SEZ6: variants seen among roughly 807,000 people sequenced by gnomAD.
SEZ6 encodes the protein seizure protein 6 homolog.
A neutral mutation model predicts 101.0 loss-of-function variants in SEZ6; 53 were observed. That is an observed-to-expected ratio of 0.52 (90% CI 0.42 to 0.66). SEZ6 has a LOEUF of 0.66. Ranked by LOEUF, SEZ6 falls within the 30% of genes least tolerant of loss-of-function variation. The pLI, the probability that SEZ6 is intolerant of heterozygous loss-of-function variation, is 0.00. For missense variants in SEZ6, 1,102 were observed against 1,289.4 expected (o/e 0.85, Z 2.23); for synonymous variants, 488 against 512.2 (o/e 0.95, Z 0.64).
intron 4 of SEZ6, among the ~76,000 whole-genome samples, chr17:28,968,673 G>T (rs2041106282): frequency 6.6e-6 from 1 of 152,182 alleles, no homozygotes; most frequent in South Asian, 2.1e-4. Context: ...GGTGAGGGTA[G>T]GGTGAGTGCT....
chr17:28,963,128 A>T (rs569038787), intron 5 of SEZ6, among the ~76,000 whole-genome samples: 1 of 63,484 alleles, frequency 1.6e-5, no homozygotes, highest in Non-Finnish European at 2.8e-5. Flanking sequence ...CGTCTCGAAG[A>T]AAAAAAAAAA....
Position 28,955,481 on chromosome 17 carries a change from C to T in SEZ6, c.*481G>A. 2.6e-6 allele frequency: 1 copy of T among 388,526 alleles called. No individual in the cohort carries two copies. Among genetic ancestry groups the T allele is most frequent in the South Asian group, 1.9e-5 (1 of 53,404 alleles). 24.1% of individuals were successfully genotyped at this position (388,526 alleles called of 1,614,324 possible). ...GCTGATGTTGGCATGCCAGGACTAC[C>T]CAGAGGTCACCGTTGAGAGGAGTTT... On this transcript the variant is annotated 3_prime_UTR_variant, in exon 17 of 17. Coordinates refer to ENST00000317338, the MANE Select transcript of SEZ6 (RefSeq NM_178860.5).
intron 1 of SEZ6, among the ~76,000 whole-genome samples, chr17:29,002,368 C>T (rs1175654475): frequency 6.6e-6 from 1 of 152,152 alleles, no homozygotes; most frequent in Non-Finnish European, 1.5e-5. Context: ...TAATTAAGCC[C>T]AGCCCTTGTG....
intron 1 of SEZ6, among the ~76,000 whole-genome samples, chr17:28,996,891 A>G (rs1244114450): frequency 6.6e-6 from 1 of 152,134 alleles, no homozygotes; most frequent in African/African-American, 2.4e-5. Flanking sequence ...TTGAGTTGAC[A>G]GGGCTAAGCC....
chr17:28,962,577 G>A (rs555812116), intron 5 of SEZ6, among the ~76,000 whole-genome samples: 2 of 151,940 alleles, frequency 1.3e-5, no homozygotes, highest in Admixed American at 6.5e-5. Flanking sequence ...TCAAGAGTTC[G>A]AGATCAGACT....
chr17:28,961,520 AAG>A (rs1461999707), intron 5 of SEZ6, among the ~76,000 whole-genome samples: 1 of 152,048 alleles, frequency 6.6e-6, no homozygotes, highest in Non-Finnish European at 1.5e-5. Context: ...TGAATGTAAA[AAG>A]GGGTTAGCAC....
chr17:28,996,334 G>A (rs1161934842), intron 1 of SEZ6, among the ~76,000 whole-genome samples: 1 of 152,064 alleles, frequency 6.6e-6, no homozygotes, highest in Non-Finnish European at 1.5e-5. Flanking sequence ...CCTGCCCCAG[G>A]GTGTGGGCCC....
At chr17:28,991,754 C>T (rs928766081) in intron 1 of SEZ6, among the ~76,000 whole-genome samples, 11 of 152,212 alleles carry the variant, frequency 7.2e-5, no homozygotes, top group Middle Eastern at 3.4e-3. Context: ...AGAAAGGCCT[C>T]GGGGAACTGG....
rs374539549 is a variant in SEZ6 at position 28,957,426 on chromosome 17, T to C, written c.2416A>G (p.Met806Val). 6.2e-7 allele frequency: 1 copy of C among 1,613,730 alleles called. No individual in the cohort carries two copies. Among genetic ancestry groups the C allele is most frequent in the Non-Finnish European group, 8.5e-7 (1 of 1,179,722 alleles). The change falls in exon 12 of 17, where the codon ATG becomes GTG. Residue 806 changes from methionine to valine, a missense_variant. Coordinates refer to ENST00000317338, the MANE Select transcript of SEZ6 (RefSeq NM_178860.5). ...QYICDQGFVL[M>V]GSSILTCHDR... is the part of the protein sequence containing the mutation. ...TGGCAGGTGAGGATGGAGCTGCCCA[T>C]CAGCACAAAACCCTGGTCACAGATA... is the stretch of plus-strand genomic sequence containing the variant.
At chr17:29,002,885 C>T (rs1416792457) in intron 1 of SEZ6, among the ~76,000 whole-genome samples, 3 of 152,210 alleles carry the variant, frequency 2.0e-5, no homozygotes, top group Non-Finnish European at 4.4e-5. Context: ...CTCCTCCAGA[C>T]CTTCCCTTCC....
At position 28,980,510 on chromosome 17, in the gene SEZ6, C is replaced by T. The variant is rs184500710; in HGVS notation, c.725-697G>A. 2.3e-3 allele frequency among the ~76,000 whole-genome samples: 354 copies of T among 152,018 alleles called. 1 individual carries two copies. The highest frequency in any genetic ancestry group is 3.7e-3 in the Admixed American group (56 of 15,262). On this transcript the variant is annotated intron_variant, in intron 2 of 16. Coordinates refer to ENST00000317338, the MANE Select transcript of SEZ6 (RefSeq NM_178860.5). The stretch of plus-strand genomic sequence containing the variant: ...TCAGCCTCCTGAGTAGCTGGGACTA[C>T]GGGCACCCCCCACTACGCCCGGCTA...
intron 1 of SEZ6, among the ~76,000 whole-genome samples, chr17:28,994,274 T>TC (rs1263038293): frequency 2.6e-5 from 2 of 78,262 alleles, no homozygotes; most frequent in African/African-American, 8.0e-5. Context: ...GTTACTGACT[T>TC]TTTTTTTTTT....
rs183850681 is a variant in SEZ6 at position 28,990,090 on chromosome 17, A to C, written c.56-8051T>G. ...TCTGTCCCCTGCCCACACACACACA[A>C]AAAAAAGAATGAAAGACCACCAGGT... On this transcript the variant is annotated intron_variant, in intron 1 of 16. Transcript: ENST00000317338. Among the ~76,000 whole-genome samples, 522 of 152,106 alleles carry C rather than the reference A, an allele frequency of 3.4e-3. 4 individuals carry two copies. Among genetic ancestry groups the C allele is most frequent in the African/African-American group, 0.01 (417 of 41,474 alleles).
chr17:28,969,675 T>A, intron 4 of SEZ6, 82 bp downstream of exon 4: 1 of 1,257,562 alleles, frequency 8.0e-7, no homozygotes, highest in Non-Finnish European at 1.0e-6. Context: ...CCCTCTAGGA[T>A]GTAATTGCAC....
At chr17:28,984,303 T>C (rs2041348279) in intron 1 of SEZ6, among the ~76,000 whole-genome samples, 1 of 152,196 alleles carries the variant, frequency 6.6e-6, no homozygotes, top group Non-Finnish European at 1.5e-5. Flanking sequence ...CCAGGTAAGC[T>C]GAGACTGATT....
intron 1 of SEZ6, among the ~76,000 whole-genome samples, chr17:28,996,102 G>A (rs1034783135): frequency 6.0e-5 from 9 of 151,060 alleles, no homozygotes; most frequent in African/African-American, 2.2e-4. Context: ...CCGGGTTCAC[G>A]CCATTCTCCT....
At chr17:28,978,430 G>A (rs1005510770) in intron 3 of SEZ6, among the ~76,000 whole-genome samples, 8 of 152,222 alleles carry the variant, frequency 5.3e-5, no homozygotes, top group African/African-American at 1.7e-4. Context: ...TGGATGGAAG[G>A]CAGACTGCTA....
chr17:28,977,771 C>T (rs1162754896), intron 3 of SEZ6, among the ~76,000 whole-genome samples: 1 of 152,200 alleles, frequency 6.6e-6, no homozygotes, highest in Non-Finnish European at 1.5e-5. Flanking sequence ...CCTGCCCCCT[C>T]CCACCCCCTT....
rs184259900 is a variant in SEZ6, at chr17:28,963,925, T to C, written c.1240+37A>G. On this transcript the variant is annotated intron_variant, in intron 5 of 16. Transcript: ENST00000317338. ...CAGGGATGAGCCCCCACCTCACTTCTCTGCTCAGCACTGAGCCCTTTCCCC... is the reference window on the plus strand; with the variant it reads ...CAGGGATGAGCCCCCACCTCACTTCCCTGCTCAGCACTGAGCCCTTTCCCC... 45 of 1,570,912 alleles carry C rather than the reference T, an allele frequency of 2.9e-5. No homozygotes were observed. In the East Asian group the frequency reaches 9.9e-4, roughly 35 times the overall value.
Sources: gnomAD v4.1 joint callset for allele counts (sites outside exome capture counted in the v4.1 genomes callset) on GRCh38, gnomAD v4.1.1 for gene constraint, MANE v1.5 for transcripts, NCBI Gene and HGNC (gene_info 2026-07-23, HGNC 2026-07-21) for gene names.